ZNF521: variants seen among roughly 807,000 people sequenced by gnomAD.
ZNF521 encodes the protein LYST-interacting protein 3.
In ZNF521, 14 loss-of-function variants were observed where a neutral mutation model predicts 105.5. That is an observed-to-expected ratio of 0.13 (90% CI 0.09 to 0.21). ZNF521 has a LOEUF of 0.21. Ranked by LOEUF, ZNF521 falls within the 10% of genes least tolerant of loss-of-function variation. ZNF521 has a pLI of 1.00. For synonymous variants in ZNF521, 635 were observed against 606.0 expected, an observed-to-expected ratio of 1.05 and a Z score of -0.70; for missense variants, 1,233 against 1,629.7, an observed-to-expected ratio of 0.76 and a Z score of 4.19.
At chr18:25,340,314 C>A (rs1294205965) in intron 2 of ZNF521, among the ~76,000 whole-genome samples, 1 of 152,032 alleles carries the variant, frequency 6.6e-6, no homozygotes, top group Non-Finnish European at 1.5e-5. Flanking sequence ...AAGATAGCAC[C>A]ACTACACTCC....
chr18:25,219,006 T>C (rs1905522009), intron 4 of ZNF521, among the ~76,000 whole-genome samples: 1 of 152,136 alleles, frequency 6.6e-6, no homozygotes, highest in African/African-American at 2.4e-5. Context: ...TTGAAGACAA[T>C]GAAGATGAAG....
chr18:25,195,521 T>G (rs2035887587), intron 4 of ZNF521, among the ~76,000 whole-genome samples: 1 of 151,362 alleles, frequency 6.6e-6, no homozygotes, highest in Non-Finnish European at 1.5e-5. Flanking sequence ...AAACAGAAGG[T>G]TTTTAAAACC....
chr18:25,103,360 T>C (rs1208387082), intron 5 of ZNF521, among the ~76,000 whole-genome samples: 1 of 152,152 alleles, frequency 6.6e-6, no homozygotes, highest in Non-Finnish European at 1.5e-5. Context: ...TATGGAGTTA[T>C]AATTACTCAA....
intron 3 of ZNF521, among the ~76,000 whole-genome samples, chr18:25,271,364 T>C (rs148519081): frequency 6.6e-6 from 1 of 152,292 alleles, no homozygotes; most frequent in East Asian, 1.9e-4. Flanking sequence ...ACAGATTCAA[T>C]GCTATCCTCA....
At chr18:25,143,746 C>T (rs183575561) in intron 5 of ZNF521, among the ~76,000 whole-genome samples, 28 of 152,120 alleles carry the variant, frequency 1.8e-4, no homozygotes, top group African/African-American at 5.1e-4. Context: ...CAGAAAGTTG[C>T]GATAACTATC....
chr18:25,062,652 G>T lies in ZNF521; in HGVS notation c.*60C>A. Reference sequence around the variant, plus strand: ...TAACAATGAAAGTTTCGTGCAAAGAGTAAAACATGTTCCCTTTTTGTGCCA... The same window carrying T: ...TAACAATGAAAGTTTCGTGCAAAGATTAAAACATGTTCCCTTTTTGTGCCA... On this transcript the variant is annotated 3_prime_UTR_variant, in exon 8 of 8. Coordinates refer to ENST00000361524, the MANE Select transcript of ZNF521 (RefSeq NM_015461.3). The T allele has an allele frequency of 6.6e-7, 1 of 1,512,700 alleles. No homozygotes were observed. The allele number at this position is 1,512,700 out of a possible 1,614,324, so 93.7% of individuals were successfully genotyped here. A position where few individuals can be genotyped will look rare whatever the true frequency, so the allele number is the denominator to read the frequency against.
At chr18:25,139,887 C>A (rs2034814004) in intron 5 of ZNF521, among the ~76,000 whole-genome samples, 1 of 152,054 alleles carries the variant, frequency 6.6e-6, no homozygotes, top group Admixed American at 6.6e-5. Flanking sequence ...GGGATTAATG[C>A]CCTTATAAAA....
At chr18:25,335,165 T>A (rs71360600) in intron 2 of ZNF521, among the ~76,000 whole-genome samples, 33,020 of 152,036 alleles carry the variant, frequency 0.22, 3,986 homozygotes, top group Admixed American at 0.29. Flanking sequence ...AATTTTTGCT[T>A]TCAGAAAAAG....
At chr18:25,174,373 T>C (rs1478604016) in intron 5 of ZNF521, among the ~76,000 whole-genome samples, 2 of 152,158 alleles carry the variant, frequency 1.3e-5, no homozygotes, top group Admixed American at 1.3e-4. Flanking sequence ...TGGAAATTCA[T>C]ATCAAAAAAT....
intron 7 of ZNF521, among the ~76,000 whole-genome samples, chr18:25,088,215 TTTTC>T (rs2033665788): frequency 1.3e-5 from 2 of 151,630 alleles, no homozygotes; most frequent in African/African-American, 4.8e-5. Context: ...TTTTCTTTTC[TTTTC>T]TTTTTTTTTT....
intron 5 of ZNF521, among the ~76,000 whole-genome samples, chr18:25,145,926 T>A (rs2144461039): frequency 6.6e-6 from 1 of 152,324 alleles, no homozygotes; most frequent in Admixed American, 6.5e-5. Flanking sequence ...GTTTCAGGCC[T>A]TCTAGGATAT....
intron 5 of ZNF521, among the ~76,000 whole-genome samples, chr18:25,120,598 A>C (rs1332307013): frequency 2.1e-4 from 30 of 141,426 alleles, no homozygotes; most frequent in African/African-American, 6.7e-4. Flanking sequence ...AAAAAAAAAA[A>C]AAAACCACAA....
At chr18:25,182,258 C>T (rs974625180) in intron 5 of ZNF521, among the ~76,000 whole-genome samples, 3 of 152,166 alleles carry the variant, frequency 2.0e-5, no homozygotes, top group African/African-American at 7.2e-5. Context: ...GCAAAGTTCT[C>T]TCTTCACAGA....
intron 3 of ZNF521, among the ~76,000 whole-genome samples, chr18:25,243,629 T>G (rs1375782715): frequency 1.3e-5 from 2 of 152,212 alleles, no homozygotes; most frequent in Non-Finnish European, 2.9e-5. Context: ...ACAAACTCAT[T>G]TCCTCAGAAG....
At chr18:25,180,652 T>A (rs2035616943) in intron 5 of ZNF521, among the ~76,000 whole-genome samples, 1 of 152,096 alleles carries the variant, frequency 6.6e-6, no homozygotes, top group African/African-American at 2.4e-5. Context: ...GAGTTATGAG[T>A]TACTCAAAAT....
intron 3 of ZNF521, among the ~76,000 whole-genome samples, chr18:25,249,316 C>T (rs1350415789): frequency 2.0e-5 from 3 of 151,628 alleles, no homozygotes; most frequent in Non-Finnish European, 4.4e-5. Flanking sequence ...CCACCATGCC[C>T]GGCTAATATT....
chr18:25,086,627 C>G (rs1156288549), intron 7 of ZNF521, among the ~76,000 whole-genome samples: 1 of 152,102 alleles, frequency 6.6e-6, no homozygotes, highest in African/African-American at 2.4e-5. Flanking sequence ...TTATCACATA[C>G]TCACCATAAA....
intron 2 of ZNF521, among the ~76,000 whole-genome samples, chr18:25,337,221 G>A (rs1913942391): frequency 6.6e-6 from 1 of 152,098 alleles, no homozygotes; most frequent in Non-Finnish European, 1.5e-5. Flanking sequence ...AACACAGAAT[G>A]AAAAGAAAGA....
intron 4 of ZNF521, among the ~76,000 whole-genome samples, chr18:25,207,479 G>C (rs2036103505): frequency 6.6e-6 from 1 of 152,122 alleles, no homozygotes; most frequent in South Asian, 2.1e-4. Flanking sequence ...TTCTTGGAGG[G>C]TTTTCATTTC....
Sources: allele counts gnomAD v4.1 joint callset (sites outside exome capture counted in the v4.1 genomes callset), GRCh38; gene constraint gnomAD v4.1.1; transcripts MANE v1.5; gene names NCBI Gene and HGNC (gene_info 2026-07-23, HGNC 2026-07-21).